Variants in FHIT observed in about 807,000 individuals in gnomAD.
The protein encoded by FHIT is bis(5'-adenosyl)-triphosphatase.
FHIT carries 19 observed loss-of-function variants against 17.9 expected under a neutral mutation model. That is an observed-to-expected ratio of 1.06 (90% confidence interval 0.74 to 1.56). FHIT has a LOEUF of 1.56. FHIT is among the 40% of genes most tolerant of loss of function. The pLI is 0.00. For missense variants in FHIT, 248 were observed against 189.2 expected (o/e 1.31, Z -1.82); for synonymous variants, 81 against 69.7 (o/e 1.16, Z -0.81).
rs1003647537 is a variant in FHIT, at chr3:59,747,923, T to C, written c.*1662A>G. Among the ~76,000 whole-genome samples, 1 of 152,170 alleles carries C rather than the reference T, an allele frequency of 6.6e-6. No homozygotes were observed. Among genetic ancestry groups the C allele is most frequent in the Non-Finnish European group, 1.5e-5 (1 of 68,018 alleles). On this transcript the variant is annotated 3_prime_UTR_variant, in exon 10 of 10. Coordinates refer to ENST00000492590, the MANE Select transcript of FHIT (RefSeq NM_002012.4). Reference sequence around the variant, plus strand: ...CAAAGTTGGGAGTCAGTCATATTCCTGTTTAAGATAATCTTAAGTGATCTA... The same window carrying C: ...CAAAGTTGGGAGTCAGTCATATTCCCGTTTAAGATAATCTTAAGTGATCTA...
intron 5 of FHIT, among the ~76,000 whole-genome samples, chr3:60,467,297 T>C (rs1004022756): frequency 7.2e-5 from 11 of 152,040 alleles, no homozygotes; most frequent in Admixed American, 6.6e-5. Context: ...AAAAAACAAC[T>C]TTTTGTTTCA....
At chr3:60,479,394 A>G (rs1438283089) in intron 5 of FHIT, among the ~76,000 whole-genome samples, 3 of 152,158 alleles carry the variant, frequency 2.0e-5, no homozygotes, top group Non-Finnish European at 4.4e-5. Context: ...GCACCACGTA[A>G]TGACATTTTA....
intron 8 of FHIT, among the ~76,000 whole-genome samples, chr3:59,809,085 G>A (rs1700314797): frequency 1.3e-5 from 2 of 152,176 alleles, no homozygotes; most frequent in African/African-American, 4.8e-5. Context: ...AACTTGAAAT[G>A]TTGTTTACAT....
Position 60,704,503 on chromosome 3 carries a change from A to G in FHIT, c.-18+117416T>C, listed in dbSNP as rs375645062. ...AGCAGATGGAGGAAATTAGAGTAAC[A>G]TATTTGCTCTAAAATCATTAGTGCT... On this transcript the variant is annotated intron_variant, in intron 4 of 9. Coordinates refer to ENST00000492590, the MANE Select transcript of FHIT (RefSeq NM_002012.4). Among the ~76,000 whole-genome samples, 118 of 152,338 alleles carry G rather than the reference A, an allele frequency of 7.7e-4. 1 individual carries two copies. In the South Asian group the frequency reaches 0.024, roughly 31 times the overall value.
At chr3:60,197,012 T>C (rs1702677930) in intron 5 of FHIT, among the ~76,000 whole-genome samples, 1 of 152,160 alleles carries the variant, frequency 6.6e-6, no homozygotes, top group Non-Finnish European at 1.5e-5. Context: ...AATAGATAGA[T>C]ACATATATAC....
chr3:60,175,858 A>G (rs1396823128), intron 5 of FHIT, among the ~76,000 whole-genome samples: 1 of 152,136 alleles, frequency 6.6e-6, no homozygotes, highest in Non-Finnish European at 1.5e-5. Flanking sequence ...ACCCTAGTAC[A>G]ACCCATAGAA....
At chr3:60,794,914 T>C (rs1700922180) in intron 4 of FHIT, among the ~76,000 whole-genome samples, 1 of 152,200 alleles carries the variant, frequency 6.6e-6, no homozygotes, top group African/African-American at 2.4e-5. Context: ...TGTATCAAAT[T>C]CAAAAAGTAC....
At chr3:60,828,583 A>G (rs1335305948) in intron 3 of FHIT, among the ~76,000 whole-genome samples, 1 of 152,124 alleles carries the variant, frequency 6.6e-6, no homozygotes, top group African/African-American at 2.4e-5. Flanking sequence ...GAACAGGTCT[A>G]AAAGAAAGGA....
intron 3 of FHIT, among the ~76,000 whole-genome samples, chr3:60,943,832 A>G (rs1303089442): frequency 1.3e-5 from 2 of 152,186 alleles, no homozygotes; most frequent in Non-Finnish European, 2.9e-5. Context: ...TATATATAAC[A>G]CAGAAAATCC....
intron 9 of FHIT, chr3:59,751,533 C>T (rs1700901448): frequency 4.6e-6 from 1 of 216,090 alleles, no homozygotes; most frequent in Non-Finnish European, 9.3e-6. Flanking sequence ...TCGTTAGACA[C>T]TGCATAAAAA....
At chr3:60,206,374 G>A (rs1193857508) in intron 5 of FHIT, among the ~76,000 whole-genome samples, 2 of 151,952 alleles carry the variant, frequency 1.3e-5, no homozygotes, top group Admixed American at 1.3e-4. Flanking sequence ...AGATGTAAAG[G>A]AGCTCTTTCA....
At chr3:60,910,138 GCCAGAGATA>G (rs1706656995) in intron 3 of FHIT, among the ~76,000 whole-genome samples, 2 of 152,022 alleles carry the variant, frequency 1.3e-5, no homozygotes, top group Non-Finnish European at 2.9e-5. Context: ...CCATCTCTCC[GCCAGAGATA>G]GGAATGTGAC....
intron 5 of FHIT, among the ~76,000 whole-genome samples, chr3:60,285,131 C>A (rs1220631578): frequency 6.6e-6 from 1 of 151,950 alleles, no homozygotes; most frequent in Non-Finnish European, 1.5e-5. Context: ...TCAAAATGCC[C>A]CTGGATTGCA....
At chr3:60,581,840 T>C (rs2037757910) in intron 4 of FHIT, among the ~76,000 whole-genome samples, 1 of 152,076 alleles carries the variant, frequency 6.6e-6, no homozygotes, top group African/African-American at 2.4e-5. Context: ...TTTTTCATCA[T>C]ACTCTTTTAC....
chr3:59,747,542 C>G lies in FHIT; in HGVS notation c.*2043G>C, dbSNP rs911242243. 3.3e-5 allele frequency among the ~76,000 whole-genome samples: 5 copies of G among 152,088 alleles called. No homozygotes were observed. The highest frequency in any genetic ancestry group is 1.2e-4 in the African/African-American group (5 of 41,408). On this transcript the variant is annotated 3_prime_UTR_variant, in exon 10 of 10. Transcript: ENST00000492590. Reference sequence around the variant, plus strand: ...GATGTGGGTGGGGAAACAGCCAAATCGTATAACTAGGTATGTCCACCCCAA... The same window carrying G: ...GATGTGGGTGGGGAAACAGCCAAATGGTATAACTAGGTATGTCCACCCCAA...
intron 4 of FHIT, chr3:60,732,243 A>G (rs2042045218): frequency 1.2e-6 from 1 of 862,166 alleles, no homozygotes. Flanking sequence ...TCATGCCTTC[A>G]CCATGCCAAA....
intron 4 of FHIT, among the ~76,000 whole-genome samples, chr3:60,795,030 GTATGACACA>G (rs1700928225): frequency 6.6e-6 from 1 of 152,086 alleles, no homozygotes; most frequent in Non-Finnish European, 1.5e-5. Context: ...CTTTAGTTAT[GTATGACACA>G]TACACATATG....
chr3:60,022,731 T>C (rs935733482), intron 5 of FHIT, among the ~76,000 whole-genome samples: 9 of 152,192 alleles, frequency 5.9e-5, no homozygotes, highest in African/African-American at 2.2e-4. Context: ...AACTGAGGAA[T>C]TTATTAGTTT....
At chr3:59,769,929 G>A (rs1701993988) in intron 8 of FHIT, among the ~76,000 whole-genome samples, 1 of 152,168 alleles carries the variant, frequency 6.6e-6, no homozygotes, top group East Asian at 1.9e-4. Flanking sequence ...GAGGAGAAAT[G>A]ACAGTAGAAG....
Sources: gnomAD v4.1 joint callset for allele counts (sites outside exome capture counted in the v4.1 genomes callset) on GRCh38, gnomAD v4.1.1 for gene constraint, MANE v1.5 for transcripts, NCBI Gene and HGNC (gene_info 2026-07-23, HGNC 2026-07-21) for gene names.